Variants in LHFPL3 observed in about 807,000 individuals in gnomAD.
The protein encoded by LHFPL3 is LHFPL tetraspan subfamily member 3 protein.
LHFPL3 carries 5 observed loss-of-function variants against 19.3 expected under a neutral mutation model. The observed-to-expected ratio is 0.26, with a 90% CI of 0.14 to 0.54. LHFPL3 has a LOEUF of 0.54. LHFPL3 is among the 20% of genes least tolerant of loss of function. The pLI, the probability that LHFPL3 is intolerant of heterozygous loss-of-function variation, is 0.94. For synonymous variants in LHFPL3, 133 were observed against 126.2 expected (o/e 1.05, Z -0.36); for missense variants, 249 against 307.4 (o/e 0.81, Z 1.42).
intron 1 of LHFPL3, among the ~76,000 whole-genome samples, chr7:104,605,074 A>G (rs1454585107): frequency 1.3e-5 from 2 of 152,228 alleles, no homozygotes; most frequent in East Asian, 1.9e-4. Flanking sequence ...TTCAGCTGCC[A>G]TCCCAAGTAT....
chr7:104,734,090 A>T (rs183566212), intron 1 of LHFPL3, among the ~76,000 whole-genome samples: 1 of 152,196 alleles, frequency 6.6e-6, no homozygotes, highest in African/African-American at 2.4e-5. Flanking sequence ...CTGAGAGATC[A>T]GCTGTTAGTC....
At chr7:104,359,237 T>G (rs544423668) in intron 1 of LHFPL3, among the ~76,000 whole-genome samples, 1 of 152,332 alleles carries the variant, frequency 6.6e-6, no homozygotes, top group South Asian at 2.1e-4. Context: ...AGAAGCAACA[T>G]TAAATATTTT....
intron 1 of LHFPL3, among the ~76,000 whole-genome samples, chr7:104,550,671 T>G (rs1052319473): frequency 2.6e-5 from 4 of 152,144 alleles, no homozygotes; most frequent in African/African-American, 9.7e-5. Context: ...TTGCGCATGT[T>G]AGGAAGGTCA....
intron 1 of LHFPL3, among the ~76,000 whole-genome samples, chr7:104,405,798 G>A (rs1273852415): frequency 6.6e-6 from 1 of 152,144 alleles, no homozygotes; most frequent in Non-Finnish European, 1.5e-5. Context: ...TGTTTGAGAG[G>A]ACTTGGATGT....
chr7:104,687,112 G>A (rs1311775563), intron 1 of LHFPL3, among the ~76,000 whole-genome samples: 2 of 152,196 alleles, frequency 1.3e-5, no homozygotes, highest in Non-Finnish European at 2.9e-5. Flanking sequence ...TATAAATCAG[G>A]GGTTCCCAAA....
chr7:104,573,714 C>T (rs1271425790), intron 1 of LHFPL3, among the ~76,000 whole-genome samples: 1 of 152,212 alleles, frequency 6.6e-6, no homozygotes, highest in Admixed American at 6.5e-5. Flanking sequence ...TTCCTTCAAT[C>T]AGCTCACCTC....
At chr7:104,875,368 C>T (rs1400655554) in intron 2 of LHFPL3, among the ~76,000 whole-genome samples, 1 of 152,198 alleles carries the variant, frequency 6.6e-6, no homozygotes, top group Non-Finnish European at 1.5e-5. Context: ...CACCCTCTAT[C>T]CATCCCACCA....
intron 1 of LHFPL3, among the ~76,000 whole-genome samples, chr7:104,703,558 G>A (rs184302133): frequency 1.1e-4 from 16 of 152,060 alleles, no homozygotes; most frequent in African/African-American, 3.1e-4. Flanking sequence ...TGCTTCCCTC[G>A]TTTGCATTAC....
chr7:104,330,319 T>C (rs1801544867), intron 1 of LHFPL3, among the ~76,000 whole-genome samples: 1 of 152,242 alleles, frequency 6.6e-6, no homozygotes, highest in South Asian at 2.1e-4. Context: ...AGAAGGGCAC[T>C]GAATATCTTA....
chr7:104,566,841 G>A (rs148654480), intron 1 of LHFPL3, among the ~76,000 whole-genome samples: 152 of 152,310 alleles, frequency 1.0e-3, no homozygotes, highest in African/African-American at 3.4e-3. Flanking sequence ...TTTCTCAAAT[G>A]TAACTCCCCA....
At chr7:104,794,915 C>T (rs1233872855) in intron 2 of LHFPL3, among the ~76,000 whole-genome samples, 2 of 152,160 alleles carry the variant, frequency 1.3e-5, no homozygotes, top group African/African-American at 4.8e-5. Context: ...TGTGCTTTTC[C>T]TACAACTTGA....
At chr7:104,718,823 G>A (rs1793437912) in intron 1 of LHFPL3, among the ~76,000 whole-genome samples, 1 of 152,018 alleles carries the variant, frequency 6.6e-6, no homozygotes, top group African/African-American at 2.4e-5. Flanking sequence ...AAGTAACTAT[G>A]GCACAAAGTG....
chr7:104,897,052 C>G (rs1271596101), intron 2 of LHFPL3, among the ~76,000 whole-genome samples: 1 of 151,252 alleles, frequency 6.6e-6, no homozygotes, highest in Non-Finnish European at 1.5e-5. Flanking sequence ...CACCACTGCA[C>G]TCCAGCCCAG....
At chr7:104,668,107 A>T in intron 1 of LHFPL3, 1 of 1,613,988 alleles carries the variant, frequency 6.2e-7, no homozygotes, top group Non-Finnish European at 8.5e-7. Context: ...CGAGGATTAA[A>T]TATCAGTGCA....
intron 1 of LHFPL3, among the ~76,000 whole-genome samples, chr7:104,591,581 C>A (rs1790724071): frequency 1.3e-5 from 2 of 152,138 alleles, no homozygotes; most frequent in African/African-American, 4.8e-5. Flanking sequence ...GTGAATCTGA[C>A]AATTATGTGT....
At chr7:104,620,685 C>T (rs146326521) in intron 1 of LHFPL3, among the ~76,000 whole-genome samples, 5 of 152,278 alleles carry the variant, frequency 3.3e-5, no homozygotes, top group African/African-American at 1.2e-4. Context: ...ATTTCCACTT[C>T]TGGGTACATA....
chr7:104,668,149 A>T, intron 1 of LHFPL3: 1 of 1,614,094 alleles, frequency 6.2e-7, no homozygotes, highest in East Asian at 2.2e-5. Context: ...AGCAATCCAG[A>T]GAGGCTGAAA....
chr7:104,649,835 A>G (rs1388135200), intron 1 of LHFPL3, among the ~76,000 whole-genome samples: 5 of 152,198 alleles, frequency 3.3e-5, no homozygotes, highest in Admixed American at 6.5e-5. Flanking sequence ...TCACAGCATC[A>G]TTGGATCTAG....
chr7:104,436,333 A>G (rs1792104860), intron 1 of LHFPL3, among the ~76,000 whole-genome samples: 3 of 152,168 alleles, frequency 2.0e-5, no homozygotes, highest in African/African-American at 4.8e-5. Flanking sequence ...CAACAACCCT[A>G]TGAGGCATGT....
Sources: gnomAD v4.1 joint callset for allele counts (sites outside exome capture counted in the v4.1 genomes callset) on GRCh38, gnomAD v4.1.1 for gene constraint, MANE v1.5 for transcripts, NCBI Gene and HGNC (gene_info 2026-07-23, HGNC 2026-07-21) for gene names.